The following RBBP8 variants were observed in gnomAD, a reference collection of about 807,000 sequenced individuals.
RBBP8 encodes RB binding protein 8, endonuclease.
In RBBP8, 88 loss-of-function variants were observed where a neutral mutation model predicts 108.3. The ratio of observed to expected loss-of-function variants is 0.81; its 90% CI spans 0.68 to 0.97. RBBP8 has a LOEUF of 0.97. RBBP8 is among the 50% of genes least tolerant of loss of function. The pLI is 0.00. For missense variants in RBBP8, 1,023 were observed against 1,049.0 expected, an observed-to-expected ratio of 0.98 and a Z score of 0.34; for synonymous variants, 332 against 348.2, an observed-to-expected ratio of 0.95 and a Z score of 0.52.
At chr18:23,001,559 G>T (rs1329795487) in intron 14 of RBBP8, 27 bp from the exon 15 acceptor site, 1 of 1,613,886 alleles carries the variant, frequency 6.2e-7, no homozygotes, top group Non-Finnish European at 8.5e-7. Flanking sequence ...CTTGCTTATT[G>T]CCCTAAGCCA....
At chr18:22,970,242 T>C (rs187888557) in intron 5 of RBBP8, among the ~76,000 whole-genome samples, 317 of 152,312 alleles carry the variant, frequency 2.1e-3, no homozygotes, top group African/African-American at 7.5e-3. Context: ...TCCACAGATT[T>C]AGAACTCACA....
chr18:22,989,182 T>TTTTATTATTTATTAAAATGGTTTATTA, intron 8 of RBBP8, 39 bp from the exon 9 acceptor site: 1 of 1,460,640 alleles, frequency 6.8e-7, no homozygotes, highest in Non-Finnish European at 9.5e-7. Context: ...GTAAAATTGG[T>TTTTATTATTTATTAAAATGGTTTATTA]TTTATTATTT....
chr18:22,944,438 G>A (rs1911375256), intron 2 of RBBP8, among the ~76,000 whole-genome samples: 1 of 151,982 alleles, frequency 6.6e-6, no homozygotes, highest in South Asian at 2.1e-4. Flanking sequence ...TTAGAAGTCA[G>A]CCAAAATTAA....
At chr18:23,009,088 T>C (rs1021931321) in intron 16 of RBBP8, among the ~76,000 whole-genome samples, 2 of 152,158 alleles carry the variant, frequency 1.3e-5, no homozygotes, top group Non-Finnish European at 2.9e-5. Context: ...ACTTTGATTT[T>C]TTAAGGTAAA....
At chr18:22,945,892 A>G (rs1334519890) in intron 2 of RBBP8, among the ~76,000 whole-genome samples, 2 of 152,164 alleles carry the variant, frequency 1.3e-5, no homozygotes, top group African/African-American at 4.8e-5. Context: ...AATGCCTGTC[A>G]GTCTGCTTTC....
intron 6 of RBBP8, among the ~76,000 whole-genome samples, chr18:22,978,867 G>A (rs567093820): frequency 6.6e-6 from 1 of 152,320 alleles, no homozygotes; most frequent in African/African-American, 2.4e-5. Flanking sequence ...ATAAGTGTGT[G>A]AAGTGATAGA....
At chr18:22,939,600 G>A (rs1910882393) in intron 2 of RBBP8, among the ~76,000 whole-genome samples, 1 of 151,974 alleles carries the variant, frequency 6.6e-6, no homozygotes, top group Non-Finnish European at 1.5e-5. Context: ...ATTAATTAAT[G>A]AGTTTTGAAA....
At position 22,936,744 on chromosome 18, in the gene RBBP8, G is replaced by A; in HGVS notation, c.-98-10G>A. On this transcript the variant is annotated splice_polypyrimidine_tract_variant and intron_variant, in intron 1 of 18. Coordinates refer to ENST00000327155, the MANE Select transcript of RBBP8 (RefSeq NM_002894.3). ...GCAAAGTTCATTTATGTTGCAATCT[G>A]TCATTTCAGGTATTTGACCTGTCCA... is the stretch of plus-strand genomic sequence containing the variant. 8.1e-7 allele frequency: 1 copy of A among 1,239,706 alleles called. No homozygotes were observed. The highest frequency in any genetic ancestry group is 1.2e-6 in the Non-Finnish European group (1 of 850,070). 76.8% of individuals were successfully genotyped at this position (1,239,706 alleles called of 1,614,324 possible).
rs11438456 is a variant in RBBP8 at position 23,011,439 on chromosome 18, A to ATTT, written c.2357+5020_2357+5022dup. Reference sequence around the variant, plus strand: ...TCTGTGATCAGTGATCTTTGATGCTATTTTTTTTTTTTTTTCGAGACAGAG... The same window carrying ATTT: ...TCTGTGATCAGTGATCTTTGATGCTATTTTTTTTTTTTTTTTTTCGAGACAGAG... On this transcript the variant is annotated intron_variant, in intron 16 of 18. Coordinates refer to ENST00000327155, the MANE Select transcript of RBBP8 (RefSeq NM_002894.3). Among the ~76,000 whole-genome samples, 197 of 139,158 alleles carry ATTT rather than the reference A, an allele frequency of 1.4e-3. 3 individuals carry two copies. The Middle Eastern group carries it at 0.019, about 13-fold the overall frequency. 91.3% of individuals were successfully genotyped at this position (139,158 alleles called of 152,430 possible).
intron 12 of RBBP8, among the ~76,000 whole-genome samples, chr18:22,995,728 C>T (rs961490251): frequency 1.3e-5 from 2 of 152,092 alleles, no homozygotes; most frequent in African/African-American, 4.8e-5. Flanking sequence ...CAGCATATAT[C>T]AATATTTTAT....
chr18:22,971,812 AT>A (rs532257241), intron 5 of RBBP8, among the ~76,000 whole-genome samples: 1 of 150,826 alleles, frequency 6.6e-6, no homozygotes, highest in Non-Finnish European at 1.5e-5. Flanking sequence ...CGCCCAGCTA[AT>A]TTTTTGTATT....
At chr18:22,942,720 A>G (rs1470295469) in intron 2 of RBBP8, among the ~76,000 whole-genome samples, 1 of 152,094 alleles carries the variant, frequency 6.6e-6, no homozygotes, top group East Asian at 1.9e-4. Flanking sequence ...TTTAAATTTC[A>G]AAAGTTTTAA....
At chr18:23,020,803 A>G (rs2046335994) in intron 17 of RBBP8, among the ~76,000 whole-genome samples, 1 of 152,122 alleles carries the variant, frequency 6.6e-6, no homozygotes, top group East Asian at 1.9e-4. Context: ...TGTTTCTCAA[A>G]TATGTTTTAA....
At chr18:22,982,598 C>T (rs954100669) in intron 7 of RBBP8, among the ~76,000 whole-genome samples, 1 of 152,110 alleles carries the variant, frequency 6.6e-6, no homozygotes, top group Non-Finnish European at 1.5e-5. Flanking sequence ...ATCTATATGA[C>T]ATGTAAATAT....
At chr18:23,010,561 C>T (rs944014617) in intron 16 of RBBP8, among the ~76,000 whole-genome samples, 1 of 151,878 alleles carries the variant, frequency 6.6e-6, no homozygotes, top group Non-Finnish European at 1.5e-5. Context: ...CACACCACTG[C>T]ACTCCAGCCT....
intron 7 of RBBP8, among the ~76,000 whole-genome samples, chr18:22,984,484 A>C (rs113434695): frequency 6.6e-6 from 1 of 152,198 alleles, no homozygotes; most frequent in Non-Finnish European, 1.5e-5. Flanking sequence ...TTTTAGGCTC[A>C]AGAGATCCTC....
intron 17 of RBBP8, among the ~76,000 whole-genome samples, chr18:23,017,824 G>A (rs2046287368): frequency 2.4e-5 from 3 of 127,312 alleles, no homozygotes; most frequent in South Asian, 2.6e-4. Flanking sequence ...TTGGCTCACT[G>A]CAATCTCCAC....
chr18:23,020,183 G>A (rs552243541), intron 17 of RBBP8, among the ~76,000 whole-genome samples: 3 of 151,620 alleles, frequency 2.0e-5, no homozygotes, highest in South Asian at 2.1e-4. Context: ...CACTTTGGGA[G>A]GCCGAGGCGG....
intron 2 of RBBP8, among the ~76,000 whole-genome samples, chr18:22,943,223 T>A (rs1213418264): frequency 6.6e-6 from 1 of 150,674 alleles, no homozygotes; most frequent in Admixed American, 6.6e-5. Context: ...ATTACTTGAG[T>A]CCGGGAGTCT....
Sources: gnomAD v4.1 joint callset for allele counts (sites outside exome capture counted in the v4.1 genomes callset) on GRCh38, gnomAD v4.1.1 for gene constraint, MANE v1.5 for transcripts, NCBI Gene and HGNC (gene_info 2026-07-23, HGNC 2026-07-21) for gene names.